Variants in MUC17 observed in about 807,000 individuals in gnomAD.
MUC17 encodes mucin 17, cell surface associated.
In MUC17, 190 loss-of-function variants were observed where a neutral mutation model predicts 170.3. The observed-to-expected ratio is 1.12, with a 90% confidence interval of 0.99 to 1.26. The LOEUF is 1.26. Among genes scored for constraint, MUC17 ranks in the 50% most tolerant of loss-of-function variants. The pLI, the probability that MUC17 is intolerant of heterozygous loss-of-function variation, is 0.00. For synonymous variants in MUC17, 2,325 were observed against 2,002.5 expected, an observed-to-expected ratio of 1.16 and a Z score of -4.30; for missense variants, 6,415 against 5,530.0, an observed-to-expected ratio of 1.16 and a Z score of -5.08.
At position 101,033,959 on chromosome 7, in the gene MUC17, C is replaced by T. The variant is rs1308286032; in HGVS notation, c.2543C>T (p.Thr848Ile). 3.7e-6 allele frequency: 6 copies of T among 1,609,174 alleles called. No homozygotes were observed. The highest frequency in any genetic ancestry group is 5.1e-6 in the Non-Finnish European group (6 of 1,176,464). Residue 848 changes from threonine to isoleucine, a missense_variant, in exon 3 of 13, where the codon ACA becomes ATA. Coordinates refer to ENST00000306151, the MANE Select transcript of MUC17 (RefSeq NM_001040105.2). ...TCTACTGAAGTCAGTTCATCTCCTA[C>T]ACCTGCTGAAGGTACCAGCATGCCA... The part of the protein sequence containing the change: ...TTSTEVSSSP[T>I]PAEGTSMPTS...
At chr7:101,028,991 C>T (rs1000796977) in intron 1 of MUC17, among the ~76,000 whole-genome samples, 3 of 152,032 alleles carry the variant, frequency 2.0e-5, no homozygotes, top group African/African-American at 7.3e-5. Context: ...AGTTCGAGAC[C>T]AGCCTGACCA....
In MUC17 at chr7:101,033,429, A is replaced by G; in HGVS notation, c.2013A>G (p.Thr671=). ...TTSTEATSSS[T]TAEGTSMPTS... The stretch of plus-strand genomic sequence containing the variant: ...CAACTGAAGCCACTTCATCTTCTAC[A>G]ACTGCGGAAGGTACCAGCATGCCAA... Residue 671 remains threonine (T), a synonymous_variant, in exon 3 of 13, where the codon ACA becomes ACG. Transcript: ENST00000306151. 2.5e-6 allele frequency: 4 copies of G among 1,613,430 alleles called. No homozygotes were observed. Among genetic ancestry groups the G allele is most frequent in the Non-Finnish European group, 2.5e-6 (3 of 1,179,694 alleles).
chr7:101,041,015 A>T lies in MUC17; in HGVS notation c.9599A>T (p.Glu3200Val). 1 of 1,613,408 alleles carries T rather than the reference A, an allele frequency of 6.2e-7. No individual in the cohort carries two copies. Among genetic ancestry groups the T allele is most frequent in the Non-Finnish European group, 8.5e-7 (1 of 1,179,878 alleles). ...AGCACACCTGTGACCACTTCTACTGAAGCCACTTCATCTACAACTGCTGAA... is the reference window on the plus strand; with the variant it reads ...AGCACACCTGTGACCACTTCTACTGTAGCCACTTCATCTACAACTGCTGAA... The part of the protein sequence containing the change: ...DTSTPVTTST[E>V]ATSSTTAEGT... The change falls in exon 3 of 13, where the codon GAA becomes GTA. Residue 3200 changes from glutamate (E) to valine (V), a missense_variant. By Grantham distance (121) the Glu-to-Val change is moderately radical (BLOSUM62 -2). Transcript: ENST00000306151.
In MUC17 at chr7:101,041,531, C is replaced by T. The variant is rs1562817611; in HGVS notation, c.10115C>T (p.Thr3372Ile). ...TTPVDTSTPV[T>I]TSTEASLSPT... ...CCTGTTGACACCAGCACACCTGTCACCACTTCTACTGAAGCCAGTTTATCT... is the reference window on the plus strand; with the variant it reads ...CCTGTTGACACCAGCACACCTGTCATCACTTCTACTGAAGCCAGTTTATCT... The change falls in exon 3 of 13, where the codon ACC becomes ATC. Residue 3372 changes from threonine (T) to isoleucine (I), a missense_variant. By Grantham distance (89) the Thr-to-Ile change is moderately conservative. Transcript: ENST00000306151. 8 of 1,613,466 alleles carry T rather than the reference C, an allele frequency of 5.0e-6. No homozygotes were observed. The highest frequency in any genetic ancestry group is 5.9e-6 in the Non-Finnish European group (7 of 1,179,944).
chr7:101,041,176 A>T lies in MUC17; in HGVS notation c.9760A>T (p.Thr3254Ser). Residue 3254 changes from threonine (T) to serine (S), a missense_variant, in exon 3 of 13, where the codon ACC becomes TCC. Physicochemically the swap from Thr to Ser is moderately conservative, Grantham distance 58. Coordinates refer to ENST00000306151, the MANE Select transcript of MUC17 (RefSeq NM_001040105.2). ...TTPVDSNTPL[T>S]TSTEASSSPP... ...TCCTGTTGACTCCAACACTCCTTTG[A>T]CCACTTCTACTGAAGCCAGTTCATC... 6.2e-7 allele frequency: 1 copy of T among 1,612,038 alleles called. No homozygotes were observed. Among genetic ancestry groups the T allele is most frequent in the Non-Finnish European group, 8.5e-7 (1 of 1,179,508 alleles).
At chr7:101,053,723 CAA>C in intron 11 of MUC17, 1 of 202,614 alleles carries the variant, frequency 4.9e-6, no homozygotes, top group Non-Finnish European at 9.9e-6. Context: ...ACTGAAAATA[CAA>C]AAAAATTAGC....
Position 101,038,209 on chromosome 7 carries a change from G to C in MUC17, c.6793G>C (p.Glu2265Gln), listed in dbSNP as rs537806384. 1 of 1,613,954 alleles carries C rather than the reference G, an allele frequency of 6.2e-7. No homozygotes were observed. The highest frequency in any genetic ancestry group is 8.5e-7 in the Non-Finnish European group (1 of 1,180,006). The change falls in exon 3 of 13, where the codon GAA (glutamate) becomes CAA (glutamine). Residue 2265 changes from glutamate (E) to glutamine (Q), a missense_variant. By Grantham distance (29) the Glu-to-Gln change is conservative. Coordinates refer to ENST00000306151, the MANE Select transcript of MUC17 (RefSeq NM_001040105.2). ...TEATSSPTTA[E>Q]GTSIPTSTLS... The stretch of plus-strand genomic sequence containing the variant: ...AGCCACTTCATCTCCTACAACTGCT[G>C]AAGGTACCAGCATACCAACTTCAAC...
In MUC17 at chr7:101,038,308, A is replaced by G; in HGVS notation, c.6892A>G (p.Thr2298Ala). 6.2e-7 allele frequency: 1 copy of G among 1,613,432 alleles called. No individual in the cohort carries two copies. ...GCTGGTGGCCAATTCTGAGGTTAGC[A>G]CCCTTTCAACAACTCCTGTTGACTC... ...HTLVANSEVSTLSTTPVDSNT... is the reference protein window; with the variant it reads ...HTLVANSEVSALSTTPVDSNT... The change falls in exon 3 of 13, where the codon ACC becomes GCC. Residue 2298 changes from threonine to alanine, a missense_variant. Thr to Ala is a moderately conservative substitution (Grantham distance 58). Coordinates refer to ENST00000306151, the MANE Select transcript of MUC17 (RefSeq NM_001040105.2).
intron 4 of MUC17, among the ~76,000 whole-genome samples, chr7:101,048,442 A>C (rs1198437984): frequency 6.6e-6 from 1 of 151,856 alleles, no homozygotes; most frequent in East Asian, 1.9e-4. Flanking sequence ...AAAAAAAAAA[A>C]AAACTTGACT....
Position 101,033,134 on chromosome 7 carries a change from C to T in MUC17, c.1718C>T (p.Thr573Ile), listed in dbSNP as rs1242988042. ...CCTAGTGAAGGAAGCACTCCATTAACAAACATGCCTGTCAGCACCAGGCTG... is the reference window on the plus strand; with the variant it reads ...CCTAGTGAAGGAAGCACTCCATTAATAAACATGCCTGTCAGCACCAGGCTG... ...STPSEGSTPLTNMPVSTRLVV... is the reference protein window; with the variant it reads ...STPSEGSTPLINMPVSTRLVV... The change falls in exon 3 of 13, where the codon ACA (threonine) becomes ATA (isoleucine). Residue 573 changes from threonine to isoleucine, a missense_variant. Physicochemically the swap from Thr to Ile is moderately conservative, Grantham distance 89. Transcript: ENST00000306151. 3 of 1,612,088 alleles carry T rather than the reference C, an allele frequency of 1.9e-6. No individual in the cohort carries two copies. Among genetic ancestry groups the T allele is most frequent in the Non-Finnish European group, 2.5e-6 (3 of 1,178,764 alleles).
rs755975956 is a variant in MUC17 at position 101,032,229 on chromosome 7, T to G, written c.813T>G (p.Ser271Arg). 2 of 1,614,168 alleles carry G rather than the reference T, an allele frequency of 1.2e-6. No homozygotes were observed. Among genetic ancestry groups the G allele is most frequent in the African/African-American group, 1.3e-5 (1 of 75,064 alleles). The change falls in exon 3 of 13, where the codon AGT becomes AGG. Residue 271 changes from serine (S) to arginine (R), a missense_variant. Ser to Arg is a moderately radical substitution (Grantham distance 110, BLOSUM62 -1). Coordinates refer to ENST00000306151, the MANE Select transcript of MUC17 (RefSeq NM_001040105.2). ...EGPSLSNSAP[S>R]GGSTPLTRMP... ...CCAGCCTGTCAAACTCAGCTCCTAG[T>G]GGAGGAAGCACTCCATTAACAAGAA...
chr7:101,035,940 G>A lies in MUC17; in HGVS notation c.4524G>A (p.Thr1508=), dbSNP rs775850106. 1.1e-5 allele frequency: 18 copies of A among 1,606,136 alleles called. No individual in the cohort carries two copies. The highest frequency in any genetic ancestry group is 3.3e-4 in the Middle Eastern group (2 of 6,004). Residue 1508 remains threonine, a synonymous_variant, in exon 3 of 13, where the codon ACG becomes ACA. Transcript: ENST00000306151. ...AAGGTACCAGCATAGCAATCTCAACGCCTAGTGAAGGAAGCACTGCATTAA... is the reference window on the plus strand; with the variant it reads ...AAGGTACCAGCATAGCAATCTCAACACCTAGTGAAGGAAGCACTGCATTAA... ...PAEGTSIAIS[T]PSEGSTALTS...
chr7:101,050,023 C>G (rs1451033957), intron 6 of MUC17, among the ~76,000 whole-genome samples: 1 of 152,162 alleles, frequency 6.6e-6, no homozygotes, highest in East Asian at 1.9e-4. Context: ...CCTAGCTACT[C>G]AGGAATCCGA....
At chr7:101,023,493 T>A (rs1794129889) in intron 1 of MUC17, among the ~76,000 whole-genome samples, 1 of 152,166 alleles carries the variant, frequency 6.6e-6, no homozygotes, top group African/African-American at 2.4e-5. Flanking sequence ...TTCAAGTGAT[T>A]CTCCTGCCTC....
intron 12 of MUC17, among the ~76,000 whole-genome samples, chr7:101,057,596 A>T (rs1282324772): frequency 6.6e-6 from 1 of 152,156 alleles, no homozygotes; most frequent in Non-Finnish European, 1.5e-5. Context: ...AATAATAATC[A>T]TAGCCAGGTA....
chr7:101,052,039 C>A, intron 9 of MUC17, 77 bp downstream of exon 9: 1 of 1,517,806 alleles, frequency 6.6e-7, no homozygotes, highest in Non-Finnish European at 8.9e-7. Flanking sequence ...TCACCCCAGG[C>A]ATTGCCTGGA....
rs749304420 is a variant in MUC17 at position 101,041,587 on chromosome 7, ACCTCAAGT to A, written c.10175_10182del (p.Ser3392Ter). 4.2e-5 allele frequency: 68 copies of A among 1,612,432 alleles called. No homozygotes were observed. Among genetic ancestry groups the A allele is most frequent in the Non-Finnish European group, 5.7e-5 (67 of 1,179,690 alleles). On this transcript the variant is annotated frameshift_variant, in exon 3 of 13. Coordinates refer to ENST00000306151, the MANE Select transcript of MUC17 (RefSeq NM_001040105.2). LOFTEE classifies it high-confidence loss of function. ...AACTGCTGAAGGTACCAGCATACCA[ACCTCAAGT>A]CCTAGTGAAGGAACCACTCCATTAG...
rs1482726991 is a variant in MUC17 at position 101,058,724 on chromosome 7, C to G, written c.*680C>G. 2.6e-5 allele frequency: 4 copies of G among 152,050 alleles called. No individual in the cohort carries two copies. The East Asian group carries it at 7.7e-4, about 29-fold the overall frequency. 9.4% of individuals were successfully genotyped at this position (152,050 alleles called of 1,614,324 possible). On this transcript the variant is annotated 3_prime_UTR_variant, in exon 13 of 13. Coordinates refer to ENST00000306151, the MANE Select transcript of MUC17 (RefSeq NM_001040105.2). ...AAAACACCTGTATTTAAATATAGAG[C>G]ATTTACCTTTTGGTATATAAGATTG... is the stretch of plus-strand genomic sequence containing the variant.
chr7:101,043,124 G>A lies in MUC17; in HGVS notation c.11708G>A (p.Ser3903Asn), dbSNP rs777392564. The A allele has an allele frequency of 1.2e-6, 2 of 1,614,116 alleles. No individual in the cohort carries two copies. The highest frequency in any genetic ancestry group is 1.3e-5 in the African/African-American group (1 of 75,008). Reference sequence around the variant, plus strand: ...GCTTCGACACCTCCTCTTGACACAAGCACAACTTTTACCCCTTCTACTGAC... The same window carrying A: ...GCTTCGACACCTCCTCTTGACACAAACACAACTTTTACCCCTTCTACTGAC... ...SIASTPPLDTSTTFTPSTDTA... is the reference protein window; with the variant it reads ...SIASTPPLDTNTTFTPSTDTA... Residue 3903 changes from serine (S) to asparagine (N), a missense_variant, in exon 3 of 13, where the codon AGC becomes AAC. Coordinates refer to ENST00000306151, the MANE Select transcript of MUC17 (RefSeq NM_001040105.2).
Sources: gnomAD v4.1 joint callset for allele counts (sites outside exome capture counted in the v4.1 genomes callset) on GRCh38, gnomAD v4.1.1 for gene constraint, MANE v1.5 for transcripts, NCBI Gene and HGNC (gene_info 2026-07-23, HGNC 2026-07-21) for gene names.